The following SPAG16 variants were observed in gnomAD, a reference collection of about 807,000 sequenced individuals.
SPAG16 encodes the protein sperm-associated antigen 16 protein.
Under a neutral mutation model 80.4 loss-of-function variants are expected in SPAG16, and 86 were observed. That is an observed-to-expected ratio of 1.07 (90% confidence interval 0.90 to 1.28). The LOEUF (loss-of-function observed/expected upper bound fraction) is 1.28. Among genes scored for constraint, SPAG16 ranks in the 50% most tolerant of loss-of-function variants. The probability of loss-of-function intolerance (pLI) is 0.00; values close to 1 mark genes in which losing one functional copy is unlikely to be tolerated. For synonymous variants in SPAG16, 294 were observed against 265.9 expected (o/e 1.11, Z -1.03); for missense variants, 870 against 765.3 (o/e 1.14, Z -1.61).
chr2:214,253,393 A>T (rs1344795114), intron 15 of SPAG16, among the ~76,000 whole-genome samples: 1 of 152,102 alleles, frequency 6.6e-6, no homozygotes, highest in Non-Finnish European at 1.5e-5. Context: ...CTATGTCCTG[A>T]ATGGTATTCC....
At chr2:213,891,771 A>G (rs2076792847) in intron 11 of SPAG16, among the ~76,000 whole-genome samples, 1 of 152,136 alleles carries the variant, frequency 6.6e-6, no homozygotes, top group Non-Finnish European at 1.5e-5. Context: ...AGGAGATGGT[A>G]AGATAATAGG....
chr2:214,135,189 C>G (rs1374102858), intron 14 of SPAG16, among the ~76,000 whole-genome samples: 1 of 152,226 alleles, frequency 6.6e-6, no homozygotes, highest in African/African-American at 2.4e-5. Context: ...AGTTACTCCT[C>G]TCTCTGACAA....
At chr2:214,283,539 G>T (rs1489811547) in intron 15 of SPAG16, among the ~76,000 whole-genome samples, 2 of 152,050 alleles carry the variant, frequency 1.3e-5, no homozygotes, top group East Asian at 1.9e-4. Context: ...GAAACAGAAA[G>T]ATCCATTAAG....
chr2:213,727,630 G>A (rs568700283), intron 10 of SPAG16, among the ~76,000 whole-genome samples: 84 of 152,268 alleles, frequency 5.5e-4, no homozygotes, highest in Non-Finnish European at 1.1e-3. Context: ...GAATAAATGA[G>A]AAAAGGAGTG....
intron 15 of SPAG16, among the ~76,000 whole-genome samples, chr2:214,336,133 G>T (rs1033234147): frequency 2.7e-4 from 41 of 152,144 alleles, no homozygotes; most frequent in Non-Finnish European, 1.0e-4. Flanking sequence ...GTTGCAATTT[G>T]AATTGGCTAT....
chr2:213,608,256 G>A (rs1007727919), intron 10 of SPAG16, among the ~76,000 whole-genome samples: 1 of 152,152 alleles, frequency 6.6e-6, no homozygotes, highest in South Asian at 2.1e-4. Context: ...CATGTGCCAT[G>A]TTGGTGTGCT....
intron 7 of SPAG16, among the ~76,000 whole-genome samples, chr2:213,359,682 T>C (rs1259878041): frequency 1.3e-5 from 2 of 152,206 alleles, no homozygotes; most frequent in East Asian, 1.9e-4. Context: ...CAGTCTGTTA[T>C]GGCTTCCCTT....
At chr2:214,126,185 G>A (rs991595010) in intron 14 of SPAG16, among the ~76,000 whole-genome samples, 3 of 149,760 alleles carry the variant, frequency 2.0e-5, no homozygotes, top group African/African-American at 4.9e-5. Context: ...TAGGCTTTAC[G>A]GAGAAGGGAG....
chr2:214,377,782 C>CTACGT (rs1700217642), intron 15 of SPAG16, among the ~76,000 whole-genome samples: 3 of 152,166 alleles, frequency 2.0e-5, no homozygotes, highest in Non-Finnish European at 4.4e-5. Context: ...CCACAAAGAT[C>CTACGT]TCTCTTAGGA....
chr2:214,311,166 C>T lies in SPAG16; in HGVS notation c.1721-98974C>T, dbSNP rs114652710. On this transcript the variant is annotated intron_variant, in intron 15 of 15. Coordinates refer to ENST00000331683, the MANE Select transcript of SPAG16 (RefSeq NM_024532.5). Reference sequence around the variant, plus strand: ...ACTGTTACCTGCATTTCCTCTGTTCCGAGGAGCGCTTTGGCAGTCTGCATT... The same window carrying T: ...ACTGTTACCTGCATTTCCTCTGTTCTGAGGAGCGCTTTGGCAGTCTGCATT... Among the ~76,000 whole-genome samples the T allele has an allele frequency of 5.0e-3, 756 of 152,218 alleles. 4 individuals are homozygous for T. Among genetic ancestry groups the T allele is most frequent in the African/African-American group, 0.016 (656 of 41,536 alleles).
At chr2:213,639,369 T>C (rs1471687540) in intron 10 of SPAG16, among the ~76,000 whole-genome samples, 1 of 152,204 alleles carries the variant, frequency 6.6e-6, no homozygotes, top group Admixed American at 6.5e-5. Context: ...GAGATTCTAT[T>C]TTGGTATATT....
At chr2:214,328,892 T>C (rs1696688972) in intron 15 of SPAG16, among the ~76,000 whole-genome samples, 1 of 152,174 alleles carries the variant, frequency 6.6e-6, no homozygotes, top group Non-Finnish European at 1.5e-5. Context: ...GCACTTTATG[T>C]ATCATTTATT....
intron 15 of SPAG16, among the ~76,000 whole-genome samples, chr2:214,196,146 T>C (rs1177149707): frequency 1.3e-5 from 2 of 152,024 alleles, no homozygotes; most frequent in Non-Finnish European, 2.9e-5. Flanking sequence ...CCATCAGTAT[T>C]GTATGCCTCG....
intron 12 of SPAG16, among the ~76,000 whole-genome samples, chr2:213,961,952 T>C (rs535575804): frequency 7.9e-4 from 121 of 152,268 alleles, no homozygotes; most frequent in Non-Finnish European, 1.2e-3. Context: ...TTCTGAAGTA[T>C]TGATATTAAT....
At chr2:213,356,948 G>C (rs559476876) in intron 7 of SPAG16, among the ~76,000 whole-genome samples, 2 of 152,222 alleles carry the variant, frequency 1.3e-5, no homozygotes, top group South Asian at 4.1e-4. Flanking sequence ...GGTATGTTGT[G>C]TCTTTGTTCT....
intron 10 of SPAG16, among the ~76,000 whole-genome samples, chr2:213,505,532 A>G (rs1430766939): frequency 6.6e-6 from 1 of 152,194 alleles, no homozygotes; most frequent in Non-Finnish European, 1.5e-5. Context: ...GTTAGGATGA[A>G]GCAGTTGATG....
intron 13 of SPAG16, among the ~76,000 whole-genome samples, chr2:214,074,099 T>C (rs2050942236): frequency 6.6e-6 from 1 of 151,824 alleles, no homozygotes; most frequent in South Asian, 2.1e-4. Context: ...CACAAGGGAG[T>C]TCTCTCACTC....
At chr2:213,711,261 T>A (rs1319911623) in intron 10 of SPAG16, among the ~76,000 whole-genome samples, 6 of 151,982 alleles carry the variant, frequency 3.9e-5, no homozygotes, top group East Asian at 1.9e-4. Context: ...ATGGCAAAAA[T>A]TTTTTTTAAT....
intron 12 of SPAG16, among the ~76,000 whole-genome samples, chr2:214,003,356 C>A (rs2046883224): frequency 6.6e-6 from 1 of 152,128 alleles, no homozygotes; most frequent in Non-Finnish European, 1.5e-5. Flanking sequence ...GCCTATAGAG[C>A]ATAATTTCAT....
Sources: gnomAD v4.1 joint callset for allele counts (sites outside exome capture counted in the v4.1 genomes callset) on GRCh38, gnomAD v4.1.1 for gene constraint, MANE v1.5 for transcripts, NCBI Gene and HGNC (gene_info 2026-07-23, HGNC 2026-07-21) for gene names.